The following GRP variants were observed in gnomAD, a reference collection of about 807,000 sequenced individuals.
GRP encodes the protein gastrin releasing peptide.
Under a neutral mutation model 12.7 loss-of-function variants are expected in GRP, and 11 were observed. The observed-to-expected ratio is 0.87, with a 90% CI of 0.55 to 1.44. GRP has a LOEUF of 1.44. Among genes scored for constraint, GRP ranks in the 40% most tolerant of loss-of-function variants. GRP has a pLI of 0.00. For synonymous variants in GRP, 84 were observed against 77.7 expected (o/e 1.08, Z -0.43); for missense variants, 212 against 185.4 (o/e 1.14, Z -0.83).
chr18:59,228,660 C>A (rs1212914174), intron 2 of GRP, among the ~76,000 whole-genome samples: 1 of 152,220 alleles, frequency 6.6e-6, no homozygotes, highest in Non-Finnish European at 1.5e-5. Flanking sequence ...TCAAGGTTAA[C>A]CTTAATCCTT....
rs1021058232 is a variant in GRP at position 59,220,292 on chromosome 18, C to G, written c.27C>G (p.Val9=). 2 of 1,505,438 alleles carry G rather than the reference C, an allele frequency of 1.3e-6. No individual in the cohort carries two copies. Among genetic ancestry groups the G allele is most frequent in the Admixed American group, 4.1e-5 (2 of 48,400 alleles). The allele number at this position is 1,505,438 out of a possible 1,614,324, so 93.3% of individuals were successfully genotyped here. ...TGCGCGGCCGTGAGCTCCCGCTGGT[C>G]CTGCTGGCGCTGGTCCTCTGCCTGG... MRGRELPL[V]LLALVLCLAP... is the part of the protein sequence containing the mutation. Residue 9 remains valine (V), a synonymous_variant, in exon 1 of 3, where the codon GTC becomes GTG. Coordinates refer to ENST00000256857, the MANE Select transcript of GRP (RefSeq NM_002091.5).
At chr18:59,227,162 T>G (rs2069956759) in intron 2 of GRP, among the ~76,000 whole-genome samples, 1 of 151,574 alleles carries the variant, frequency 6.6e-6, no homozygotes, top group African/African-American at 2.4e-5. Flanking sequence ...TGGGCTCAAG[T>G]GATTTCCCTC....
At chr18:59,225,292 G>C (rs1038602746) in intron 1 of GRP, among the ~76,000 whole-genome samples, 200 bp from the exon 2 acceptor site, 1 of 152,192 alleles carries the variant, frequency 6.6e-6, no homozygotes, top group Non-Finnish European at 1.5e-5. Flanking sequence ...TCTGAATGCT[G>C]TCTAGCTCAT....
At position 59,225,709 on chromosome 18, in the gene GRP, CAAAGA is replaced by C. The variant is rs756175601; in HGVS notation, c.358_362del (p.Lys120CysfsTer9). 1.2e-6 allele frequency: 2 copies of C among 1,613,922 alleles called. No individual in the cohort carries two copies. Among genetic ancestry groups the C allele is most frequent in the South Asian group, 2.2e-5 (2 of 91,062 alleles). ...GGGATTCAGAGGATAGCAGCAACTT[CAAAGA>C]TGTAGGTTCAAAAGGCAAAGGTAAA... On this transcript the variant is annotated frameshift_variant, in exon 2 of 3. Transcript: ENST00000256857. LOFTEE classifies it low-confidence loss of function (END_TRUNC).
chr18:59,222,735 G>C (rs962003170), intron 1 of GRP, among the ~76,000 whole-genome samples: 2 of 152,162 alleles, frequency 1.3e-5, no homozygotes, highest in Admixed American at 1.3e-4. Context: ...TTACAGGCTT[G>C]GTAAGTAAAT....
At chr18:59,226,426 A>G (rs1456022631) in intron 2 of GRP, among the ~76,000 whole-genome samples, 3 of 152,234 alleles carry the variant, frequency 2.0e-5, no homozygotes, top group Non-Finnish European at 4.4e-5. Context: ...AATGTATAAT[A>G]AAATACAAAA....
intron 1 of GRP, among the ~76,000 whole-genome samples, chr18:59,224,069 A>G (rs2069876222): frequency 6.6e-6 from 1 of 152,218 alleles, no homozygotes; most frequent in Non-Finnish European, 1.5e-5. Context: ...TTATAACATT[A>G]GAAAGCCTTT....
chr18:59,226,331 C>A (rs558080963), intron 2 of GRP, among the ~76,000 whole-genome samples: 7 of 151,964 alleles, frequency 4.6e-5, no homozygotes, highest in Admixed American at 4.6e-4. Flanking sequence ...AGACAGTGAG[C>A]AAGATAAGAG....
intron 1 of GRP, among the ~76,000 whole-genome samples, chr18:59,224,318 C>T (rs1161849685): frequency 3.9e-5 from 6 of 152,176 alleles, no homozygotes; most frequent in Non-Finnish European, 8.8e-5. Flanking sequence ...CTGCAAATCG[C>T]AATACACATA....
intron 1 of GRP, among the ~76,000 whole-genome samples, chr18:59,224,339 A>C (rs1336573187): frequency 6.6e-6 from 1 of 152,238 alleles, no homozygotes; most frequent in Admixed American, 6.5e-5. Context: ...AAAGCAATAA[A>C]GTTAAAGTGA....
Position 59,228,032 on chromosome 18 carries a change from C to CT in GRP, c.382+2303dup, listed in dbSNP as rs564887036. Among the ~76,000 whole-genome samples the CT allele has an allele frequency of 8.2e-3, 1,254 of 152,206 alleles. 10 individuals are homozygous for CT. Among genetic ancestry groups the CT allele is most frequent in the Non-Finnish European group, 0.013 (891 of 67,992 alleles). Reference sequence around the variant, plus strand: ...TCTATTATTTTTATGCATTGTTTTTCTTTTTACAGGTTTAGAAAGCCCATC... The same window carrying CT: ...TCTATTATTTTTATGCATTGTTTTTCTTTTTTACAGGTTTAGAAAGCCCATC... On this transcript the variant is annotated intron_variant, in intron 2 of 2. Transcript: ENST00000256857.
intron 1 of GRP, among the ~76,000 whole-genome samples, chr18:59,220,974 C>T (rs948126188): frequency 1.3e-5 from 2 of 152,202 alleles, no homozygotes; most frequent in South Asian, 4.1e-4. Flanking sequence ...TGCCCTGAAT[C>T]CCGCCTGTCT....
At chr18:59,219,614 A>AAG (rs555515754), upstream of GRP, among the ~76,000 whole-genome samples, 1 of 149,090 alleles carries the variant, frequency 6.7e-6, no homozygotes, top group Admixed American at 6.7e-5. Flanking sequence ...GGTCCAGAAA[A>AAG]AGAGAGAGAG....
Position 59,220,259 on chromosome 18 carries a change from C to A in GRP, c.-7C>A. On this transcript the variant is annotated 5_prime_UTR_variant, in exon 1 of 3. Coordinates refer to ENST00000256857, the MANE Select transcript of GRP (RefSeq NM_002091.5). Reference sequence around the variant, plus strand: ...CCGGCGCGCTCCAAGGGCTTCCCGTCGGGACCATGCGCGGCCGTGAGCTCC... The same window carrying A: ...CCGGCGCGCTCCAAGGGCTTCCCGTAGGGACCATGCGCGGCCGTGAGCTCC... 3.3e-6 allele frequency: 5 copies of A among 1,495,606 alleles called. No homozygotes were observed. The highest frequency in any genetic ancestry group is 4.4e-6 in the Non-Finnish European group (5 of 1,127,174). The allele number at this position is 1,495,606 out of a possible 1,614,324, so 92.6% of individuals were successfully genotyped here.
chr18:59,227,661 C>A (rs1346415214), intron 2 of GRP, among the ~76,000 whole-genome samples: 1 of 152,182 alleles, frequency 6.6e-6, no homozygotes, highest in African/African-American at 2.4e-5. Flanking sequence ...TCTACTAACA[C>A]ACAATCATGT....
At position 59,227,020 on chromosome 18, in the gene GRP, T is replaced by TCTTTCTTTCTTTCTTTCTTTCTTC. The variant is rs1555663416; in HGVS notation, c.382+1309_382+1310insCCTTTCTTTCTTTCTTTCTTTCTT. On this transcript the variant is annotated intron_variant, in intron 2 of 2. Transcript: ENST00000256857. Reference sequence around the variant, plus strand: ...TTCTTTCTTTCTTTCTTTCTTTCTTTCTTTCTTTCTTTCTTTCTTTCTTTC... The same window carrying TCTTTCTTTCTTTCTTTCTTTCTTC: ...TTCTTTCTTTCTTTCTTTCTTTCTTTCTTTCTTTCTTTCTTTCTTTCTTCCTTTCTTTCTTTCTTTCTTTCTTTC... Among the ~76,000 whole-genome samples the TCTTTCTTTCTTTCTTTCTTTCTTC allele has an allele frequency of 2.7e-3, 379 of 142,022 alleles. 5 individuals are homozygous for TCTTTCTTTCTTTCTTTCTTTCTTC. Among genetic ancestry groups the TCTTTCTTTCTTTCTTTCTTTCTTC allele is most frequent in the Middle Eastern group, 0.014 (4 of 286 alleles). 93.2% of individuals were successfully genotyped at this position (142,022 alleles called of 152,430 possible).
chr18:59,222,548 C>A (rs761274155), intron 1 of GRP, among the ~76,000 whole-genome samples: 1 of 152,190 alleles, frequency 6.6e-6, no homozygotes, highest in Non-Finnish European at 1.5e-5. Flanking sequence ...GAGTAACATG[C>A]CCTCTGTTGG....
intron 1 of GRP, among the ~76,000 whole-genome samples, chr18:59,223,092 A>G (rs2069861330): frequency 6.6e-6 from 1 of 152,204 alleles, no homozygotes; most frequent in South Asian, 2.1e-4. Flanking sequence ...TCTATGTCTT[A>G]TTCATTTCTG....
Position 59,230,309 on chromosome 18 carries a change from C to T in GRP, c.383-95C>T, listed in dbSNP as rs991991695. ...CAAGAATTTGCCTTTCTAACAAGCT[C>T]CCAAGTGATGCTGATGACTTGTAGG... On this transcript the variant is annotated intron_variant, in intron 2 of 2. Coordinates refer to ENST00000256857, the MANE Select transcript of GRP (RefSeq NM_002091.5). 2.8e-5 allele frequency: 22 copies of T among 788,282 alleles called. No individual in the cohort carries two copies. In the South Asian group the frequency reaches 3.1e-4, roughly 11 times the overall value. The allele number at this position is 788,282 out of a possible 1,614,324, so 48.8% of individuals were successfully genotyped here.
Sources: allele counts gnomAD v4.1 joint callset (sites outside exome capture counted in the v4.1 genomes callset), GRCh38; gene constraint gnomAD v4.1.1; transcripts MANE v1.5; gene names NCBI Gene and HGNC (gene_info 2026-07-23, HGNC 2026-07-21).